Variants in CAPN13 observed in about 807,000 individuals in gnomAD.
CAPN13 encodes the protein calpain 13, also known as calpain-13.
Under a neutral mutation model 98.4 loss-of-function variants are expected in CAPN13, and 90 were observed. The observed-to-expected ratio is 0.92, with a 90% CI of 0.77 to 1.09. The LOEUF is 1.09. Ranked by LOEUF, CAPN13 falls within the 50% of genes least tolerant of loss-of-function variation. The pLI, the probability that CAPN13 is intolerant of heterozygous loss-of-function variation, is 0.00. For missense variants in CAPN13, 887 were observed against 841.3 expected (o/e 1.05, Z -0.67); for synonymous variants, 330 against 305.5 (o/e 1.08, Z -0.84).
At chr2:30,738,100 CAGAAA>C in intron 17 of CAPN13, 130 bp downstream of exon 17, 1 of 881,860 alleles carries the variant, frequency 1.1e-6, no homozygotes, top group African/African-American at 1.7e-5. Flanking sequence ...AGAGAATCCC[CAGAAA>C]CTCAAGGACA....
intron 5 of CAPN13, among the ~76,000 whole-genome samples, chr2:30,769,650 C>T (rs1673293265): frequency 6.6e-6 from 1 of 152,126 alleles, no homozygotes; most frequent in South Asian, 2.1e-4. Flanking sequence ...TAAAAGCAAC[C>T]CAAAGAATCT....
At chr2:30,777,014 T>C (rs1345438264) in intron 3 of CAPN13, among the ~76,000 whole-genome samples, 1 of 152,226 alleles carries the variant, frequency 6.6e-6, no homozygotes, top group Non-Finnish European at 1.5e-5. Context: ...AGAAGGGTTG[T>C]TGTTTTTGCT....
rs1558353480 is a variant in CAPN13, at chr2:30,801,642, A to AG, written c.-33+5659_-33+5660insC. Among the ~76,000 whole-genome samples, 126 of 137,776 alleles carry AG rather than the reference A, an allele frequency of 9.1e-4. 2 individuals are homozygous for AG. Among genetic ancestry groups the AG allele is most frequent in the African/African-American group, 2.0e-3 (59 of 29,054 alleles). The allele number at this position is 137,776 out of a possible 152,430, so 90.4% of individuals were successfully genotyped here. On this transcript the variant is annotated intron_variant, in intron 1 of 22. Transcript: ENST00000295055. ...AAAAAAAAAAAGAAGAAGAAGAAGA[A>AG]AAAGAAAATGGAAAAATGGATGAGG...
At position 30,800,350 on chromosome 2, in the gene CAPN13, C is replaced by A. The variant is rs555598692; in HGVS notation, c.-33+6952G>T. On this transcript the variant is annotated intron_variant, in intron 1 of 22. Coordinates refer to ENST00000295055, the MANE Select transcript of CAPN13 (RefSeq NM_144575.3). ...AAAGCAGAAGCGACTTACTGAGGTT[C>A]CACAGGCAGGGCAACCCCAGCCTCT... Among the ~76,000 whole-genome samples the A allele has an allele frequency of 7.2e-5, 11 of 152,312 alleles. No individual in the cohort carries two copies. In the East Asian group the frequency reaches 1.9e-3, roughly 27 times the overall value.
chr2:30,787,410 T>G, intron 1 of CAPN13, 53 bp from the exon 2 acceptor site: 1 of 1,371,254 alleles, frequency 7.3e-7, no homozygotes, highest in Non-Finnish European at 9.8e-7. Flanking sequence ...GTCCTTTGCA[T>G]CATCAAATGT....
chr2:30,784,272 C>T (rs11676668), intron 2 of CAPN13, among the ~76,000 whole-genome samples: 75,043 of 151,610 alleles, frequency 0.49, 19,698 homozygotes, highest in South Asian at 0.65. Context: ...ACATTTTTCC[C>T]TGAAAGAGTT....
chr2:30,751,237 C>G lies in CAPN13; in HGVS notation c.1102G>C (p.Asp368His). The G allele has an allele frequency of 6.2e-7, 1 of 1,613,900 alleles. No individual in the cohort carries two copies. The highest frequency in any genetic ancestry group is 8.5e-7 in the Non-Finnish European group (1 of 1,179,828). ...LGNTAGGPRN[D>H]AQFNFSVQEP... ...TGCACAGAGAAGTTGAATTGAGCAT[C>G]ATTCCGAGGTCCTCCTGCATCAGAA... The change falls in exon 11 of 23, where the codon GAT (aspartate) becomes CAT (histidine). Residue 368 changes from aspartate to histidine, a missense_variant. Asp to His is a moderately conservative substitution (Grantham distance 81). Coordinates refer to ENST00000295055, the MANE Select transcript of CAPN13 (RefSeq NM_144575.3).
rs1301108089 is a variant in CAPN13 at position 30,741,925 on chromosome 2, T to C, written c.1519A>G (p.Asn507Asp). The change falls in exon 15 of 23, where the codon AAC becomes GAC. Residue 507 changes from asparagine to aspartate, a missense_variant. By Grantham distance (23) the Asn-to-Asp change is conservative (BLOSUM62 1). Transcript: ENST00000295055. ...SEHGSQQSIF[N>D]RYAQQRLDID... is the part of the protein sequence containing the mutation. ...TACCATACCTGCTGAGCATATCTGT[T>C]GAAAATGCTTTGTTGGGAGCCATGT... The C allele has an allele frequency of 6.2e-7, 1 of 1,613,894 alleles. No homozygotes were observed. The highest frequency in any genetic ancestry group is 8.5e-7 in the Non-Finnish European group (1 of 1,179,854).
intron 2 of CAPN13, among the ~76,000 whole-genome samples, chr2:30,780,682 A>G (rs1223495505): frequency 1.3e-5 from 2 of 152,248 alleles, no homozygotes; most frequent in African/African-American, 2.4e-5. Flanking sequence ...AGTCATTTTC[A>G]TCAAAGGTGG....
At chr2:30,735,600 C>A (rs77017306) in intron 18 of CAPN13, among the ~76,000 whole-genome samples, 1 of 152,072 alleles carries the variant, frequency 6.6e-6, no homozygotes, top group African/African-American at 2.4e-5. Context: ...GGACCCTTGC[C>A]CCGGGGGACC....
At chr2:30,777,958 G>A (rs1673787339) in intron 2 of CAPN13, among the ~76,000 whole-genome samples, 1 of 152,218 alleles carries the variant, frequency 6.6e-6, no homozygotes, top group African/African-American at 2.4e-5. Context: ...TTAAGAGGTT[G>A]TAAATAAACC....
In CAPN13 at chr2:30,775,109, C is replaced by T. The variant is rs983943924; in HGVS notation, c.387+821G>A. Among the ~76,000 whole-genome samples the T allele has an allele frequency of 2.0e-5, 3 of 152,064 alleles. No individual in the cohort carries two copies. In the South Asian group the frequency reaches 6.2e-4, roughly 32 times the overall value. ...AATATTATTAGATAACTAAACCATT[C>T]CAGATTCTGTTAAAGAAAGAATTAA... On this transcript the variant is annotated intron_variant, in intron 4 of 22. Coordinates refer to ENST00000295055, the MANE Select transcript of CAPN13 (RefSeq NM_144575.3).
intron 10 of CAPN13, 138 bp from the exon 11 acceptor site, chr2:30,751,389 C>T: frequency 1.2e-6 from 1 of 841,950 alleles, no homozygotes; most frequent in Non-Finnish European, 1.8e-6. Flanking sequence ...TCCCAATCCC[C>T]ACAGTTACTA....
chr2:30,759,368 GACA>G (rs775518422), intron 7 of CAPN13, among the ~76,000 whole-genome samples: 7 of 152,180 alleles, frequency 4.6e-5, no homozygotes, highest in Non-Finnish European at 7.3e-5. Flanking sequence ...GTGGGAAAGT[GACA>G]ACAACACAGC....
At chr2:30,756,824 C>T (rs754198315) in intron 8 of CAPN13, among the ~76,000 whole-genome samples, 5 of 152,204 alleles carry the variant, frequency 3.3e-5, no homozygotes, top group Non-Finnish European at 5.9e-5. Flanking sequence ...GCAGGGGCAT[C>T]TAAGGTCACA....
At chr2:30,759,790 G>A (rs528710314) in intron 7 of CAPN13, among the ~76,000 whole-genome samples, 13 of 152,290 alleles carry the variant, frequency 8.5e-5, no homozygotes, top group Admixed American at 3.3e-4. Flanking sequence ...GTAAAGGTTC[G>A]TTCTTGGATG....
chr2:30,793,835 C>T (rs1325444213), intron 1 of CAPN13, among the ~76,000 whole-genome samples: 1 of 151,744 alleles, frequency 6.6e-6, no homozygotes, highest in Non-Finnish European at 1.5e-5. Flanking sequence ...AAAGAAAAGT[C>T]TTTCCAAAAA....
intron 1 of CAPN13, among the ~76,000 whole-genome samples, chr2:30,793,427 A>G (rs1674703206): frequency 6.6e-6 from 1 of 151,716 alleles, no homozygotes. Context: ...AACATTGCTG[A>G]GAAAAATTAA....
chr2:30,794,762 T>C (rs1674774313), intron 1 of CAPN13, among the ~76,000 whole-genome samples: 1 of 152,096 alleles, frequency 6.6e-6, no homozygotes, highest in East Asian at 1.9e-4. Flanking sequence ...ATCATTATGC[T>C]ATGTGAAAGC....
Sources: allele counts gnomAD v4.1 joint callset (sites outside exome capture counted in the v4.1 genomes callset), GRCh38; gene constraint gnomAD v4.1.1; transcripts MANE v1.5; gene names NCBI Gene and HGNC (gene_info 2026-07-23, HGNC 2026-07-21).